The following STON2 variants were observed in gnomAD, a reference collection of about 807,000 sequenced individuals.
The protein encoded by STON2 is stonin 2.
STON2 carries 29 observed loss-of-function variants against 65.7 expected under a neutral mutation model. That is an observed-to-expected ratio of 0.44 (90% CI 0.33 to 0.60). STON2 has a LOEUF of 0.60. Ranked by LOEUF, STON2 falls within the 20% of genes least tolerant of loss-of-function variation. The pLI is 0.03. For synonymous variants in STON2, 404 were observed against 414.2 expected (o/e 0.98, Z 0.30); for missense variants, 1,054 against 1,118.1 (o/e 0.94, Z 0.82).
At chr14:81,287,319 T>C (rs914390133) in intron 5 of STON2, among the ~76,000 whole-genome samples, 2 of 152,166 alleles carry the variant, frequency 1.3e-5, no homozygotes, top group Non-Finnish European at 2.9e-5. Context: ...AGAGGATAAG[T>C]GTATTCATCT....
chr14:81,265,775 C>T lies in STON2; in HGVS notation c.*2639G>A. 1 of 984,742 alleles carries T rather than the reference C, an allele frequency of 1.0e-6. No individual in the cohort carries two copies. Among genetic ancestry groups the T allele is most frequent in the Non-Finnish European group, 1.2e-6 (1 of 829,774 alleles). The allele number at this position is 984,742 out of a possible 1,614,324, so 61.0% of individuals were successfully genotyped here. A position where few individuals can be genotyped will look rare whatever the true frequency, so the allele number is the denominator to read the frequency against. On this transcript the variant is annotated 3_prime_UTR_variant, in exon 8 of 8. Transcript: ENST00000614646. ...TCTTGGTAAAAAAAACAAAAAAGTC[C>T]AGGTGCATGTACACAGGAAATGAGA...
chr14:81,371,135 C>G lies in STON2; in HGVS notation c.424G>C (p.Gly142Arg). The change falls in exon 4 of 8, where the codon GGG becomes CGG. Residue 142 changes from glycine to arginine, a missense_variant. Coordinates refer to ENST00000614646, the MANE Select transcript of STON2 (RefSeq NM_001394390.1). ...CTCTCAGAAGTCAGAGGGCATCTCC[C>G]CAGGGAGTCAAAGGAAGGGCATGTC... is the stretch of plus-strand genomic sequence containing the variant. ...CWTCPSFDSL[G>R]RCPLTSESSW... 1 of 1,614,136 alleles carries G rather than the reference C, an allele frequency of 6.2e-7. No homozygotes were observed. Among genetic ancestry groups the G allele is most frequent in the Non-Finnish European group, 8.5e-7 (1 of 1,180,020 alleles).
chr14:81,360,033 G>C (rs1458158344), intron 4 of STON2, among the ~76,000 whole-genome samples: 1 of 152,212 alleles, frequency 6.6e-6, no homozygotes, highest in Non-Finnish European at 1.5e-5. Context: ...TGAGGCTGCA[G>C]TGAGCTGTCT....
chr14:81,272,036 A>C (rs1419434641), intron 6 of STON2, among the ~76,000 whole-genome samples: 1 of 152,088 alleles, frequency 6.6e-6, no homozygotes, highest in Non-Finnish European at 1.5e-5. Flanking sequence ...ATCCTGCTAA[A>C]ATGGTGAAAC....
At chr14:81,381,122 A>G (rs2140394755) in intron 3 of STON2, among the ~76,000 whole-genome samples, 1 of 152,352 alleles carries the variant, frequency 6.6e-6, no homozygotes, top group Non-Finnish European at 1.5e-5. Context: ...ACATTGTATT[A>G]GAAAAACTGG....
At chr14:81,321,603 A>G (rs1293302403) in intron 5 of STON2, among the ~76,000 whole-genome samples, 1 of 152,182 alleles carries the variant, frequency 6.6e-6, no homozygotes, top group East Asian at 1.9e-4. Flanking sequence ...TAAGCAACAG[A>G]AGTAGATGCA....
At position 81,265,844 on chromosome 14, in the gene STON2, A is replaced by G; in HGVS notation, c.*2570T>C. ...GGAAATAAGCTCCAACAAGCAATCC[A>G]CATGTTATGCTAGCAGATGAGGCAG... On this transcript the variant is annotated 3_prime_UTR_variant, in exon 8 of 8. Coordinates refer to ENST00000614646, the MANE Select transcript of STON2 (RefSeq NM_001394390.1). 5.1e-6 allele frequency: 5 copies of G among 985,376 alleles called. No individual in the cohort carries two copies. The highest frequency in any genetic ancestry group is 6.0e-6 in the Non-Finnish European group (5 of 829,916). The allele number at this position is 985,376 out of a possible 1,614,324, so 61.0% of individuals were successfully genotyped here.
chr14:81,338,842 C>T (rs1897477395), intron 4 of STON2, among the ~76,000 whole-genome samples: 1 of 152,202 alleles, frequency 6.6e-6, no homozygotes, highest in Non-Finnish European at 1.5e-5. Flanking sequence ...GAGAGAAACA[C>T]TTTGGTCTTT....
intron 2 of STON2, among the ~76,000 whole-genome samples, chr14:81,412,459 A>G (rs1161809987): frequency 7.1e-6 from 1 of 140,172 alleles, no homozygotes; most frequent in Non-Finnish European, 1.5e-5. Context: ...CCGTGAGGAC[A>G]TCATGCTAAG....
intron 1 of STON2, among the ~76,000 whole-genome samples, chr14:81,432,295 A>G (rs1902256745): frequency 6.6e-6 from 1 of 152,148 alleles, no homozygotes; most frequent in Non-Finnish European, 1.5e-5. Flanking sequence ...TACAGGAGTG[A>G]TGAGTCACAG....
chr14:81,332,473 T>A (rs1897247238), intron 4 of STON2, among the ~76,000 whole-genome samples: 1 of 152,322 alleles, frequency 6.6e-6, no homozygotes. Context: ...ACCTCTCTTT[T>A]GGGGATAGAA....
chr14:81,295,182 G>A (rs987898885), intron 5 of STON2, among the ~76,000 whole-genome samples: 32 of 152,190 alleles, frequency 2.1e-4, no homozygotes, highest in Admixed American at 6.6e-4. Context: ...AAAATTAGCC[G>A]GCTGTGGTGG....
intron 5 of STON2, among the ~76,000 whole-genome samples, chr14:81,322,324 A>T (rs940412723): frequency 1.3e-5 from 2 of 152,222 alleles, no homozygotes; most frequent in Admixed American, 1.3e-4. Context: ...CGTTAACTGC[A>T]TGGGCGACTT....
At chr14:81,272,755 T>C (rs1416285176) in intron 6 of STON2, among the ~76,000 whole-genome samples, 1 of 152,258 alleles carries the variant, frequency 6.6e-6, no homozygotes, top group Non-Finnish European at 1.5e-5. Context: ...ACAGATGTAA[T>C]TATACAGCTA....
chr14:81,377,391 T>TCA (rs143586088), intron 3 of STON2, among the ~76,000 whole-genome samples: 6,146 of 152,286 alleles, frequency 0.04, 424 homozygotes, highest in African/African-American at 0.14. Context: ...TATACATATA[T>TCA]CAGTTAGTTT....
rs1203941048 is a variant in STON2 at position 81,262,861 on chromosome 14, T to A, written c.*5553A>T. ...TCTACATTTGTGGTTGCCTTATACA[T>A]CTCCTTCACGTTTAATTCCTTAAAC... On this transcript the variant is annotated 3_prime_UTR_variant, in exon 8 of 8. Transcript: ENST00000614646. 1 of 985,230 alleles carries A rather than the reference T, an allele frequency of 1.0e-6. No homozygotes were observed. The highest frequency in any genetic ancestry group is 1.2e-6 in the Non-Finnish European group (1 of 829,824). 61.0% of individuals were successfully genotyped at this position (985,230 alleles called of 1,614,324 possible).
intron 3 of STON2, 113 bp from the exon 4 acceptor site, chr14:81,371,298 T>C (rs1057494564): frequency 3.0e-6 from 3 of 1,004,096 alleles, no homozygotes; most frequent in African/African-American, 1.6e-5. Flanking sequence ...TCAACAGTCA[T>C]ATGAGGCAAG....
At chr14:81,329,756 C>T (rs560573548) in intron 4 of STON2, among the ~76,000 whole-genome samples, 3 of 152,094 alleles carry the variant, frequency 2.0e-5, no homozygotes, top group South Asian at 2.1e-4. Flanking sequence ...TGGCTTAAAC[C>T]GTTTAGTGGG....
At chr14:81,290,427 C>T (rs1403545703) in intron 5 of STON2, among the ~76,000 whole-genome samples, 2 of 152,246 alleles carry the variant, frequency 1.3e-5, no homozygotes, top group East Asian at 3.9e-4. Context: ...AGATCTCTTG[C>T]ATGTTATTAT....
Sources: gnomAD v4.1 joint callset for allele counts (sites outside exome capture counted in the v4.1 genomes callset) on GRCh38, gnomAD v4.1.1 for gene constraint, MANE v1.5 for transcripts, NCBI Gene and HGNC (gene_info 2026-07-23, HGNC 2026-07-21) for gene names.